C2CD3: variants seen among roughly 807,000 people sequenced by gnomAD.
C2CD3 encodes the protein C2 domain-containing protein 3.
In C2CD3, 148 loss-of-function variants were observed where a neutral mutation model predicts 234.0. The observed-to-expected ratio is 0.63, with a 90% CI of 0.55 to 0.72. The LOEUF is 0.72. Among genes scored for constraint, C2CD3 ranks in the 30% least tolerant of loss-of-function variants. The pLI is 0.00. For missense variants in C2CD3, 2,577 were observed against 2,811.5 expected (o/e 0.92, Z 1.89); for synonymous variants, 1,000 against 1,035.4 (o/e 0.97, Z 0.66).
At chr11:74,157,533 A>T (rs1284373222) in intron 3 of C2CD3, among the ~76,000 whole-genome samples, 1 of 152,176 alleles carries the variant, frequency 6.6e-6, no homozygotes, top group Non-Finnish European at 1.5e-5. Flanking sequence ...GTTTTTTTTC[A>T]GTTAGATGGA....
intron 22 of C2CD3, among the ~76,000 whole-genome samples, chr11:74,082,376 A>T (rs936201777): frequency 2.0e-5 from 3 of 151,964 alleles, no homozygotes; most frequent in African/African-American, 7.3e-5. Flanking sequence ...CGGCCTCCCA[A>T]AGTGCTGGGA....
At chr11:74,156,007 G>C (rs941373469) in intron 3 of C2CD3, among the ~76,000 whole-genome samples, 1 of 152,064 alleles carries the variant, frequency 6.6e-6, no homozygotes, top group African/African-American at 2.4e-5. Context: ...CAGGTGCAGT[G>C]GGTCATGCCT....
intron 11 of C2CD3, among the ~76,000 whole-genome samples, chr11:74,109,965 C>T (rs1473463734): frequency 0.016 from 2,373 of 150,240 alleles, 55 homozygotes; most frequent in African/African-American, 0.035. Context: ...CCTGTAGTCC[C>T]AGCTACTTGG....
At chr11:74,126,305 T>C (rs114363609) in intron 7 of C2CD3, among the ~76,000 whole-genome samples, 3,107 of 152,302 alleles carry the variant, frequency 0.02, 105 homozygotes, top group African/African-American at 0.071. Flanking sequence ...AAGCTTTTAA[T>C]ATGGTCTCTC....
intron 24 of C2CD3, among the ~76,000 whole-genome samples, chr11:74,058,439 A>G (rs1021155971): frequency 2.0e-5 from 3 of 152,122 alleles, no homozygotes; most frequent in African/African-American, 7.2e-5. Context: ...TATCATGTAG[A>G]TTTCTATCAT....
intron 7 of C2CD3, among the ~76,000 whole-genome samples, chr11:74,127,926 G>C (rs370723938): frequency 3.3e-5 from 5 of 151,626 alleles, no homozygotes; most frequent in African/African-American, 1.2e-4. Context: ...GTAGTGGCGC[G>C]ATCTCGGCTC....
intron 29 of C2CD3, among the ~76,000 whole-genome samples, chr11:74,038,174 C>G (rs947740783): frequency 2.0e-5 from 3 of 152,330 alleles, no homozygotes; most frequent in Admixed American, 2.0e-4. Flanking sequence ...CATCACATCA[C>G]TCATTTATTT....
Position 74,092,420 on chromosome 11 carries a change from T to C in C2CD3, c.3513A>G (p.Ser1171=). The C allele has an allele frequency of 6.2e-7, 1 of 1,613,160 alleles. No individual in the cohort carries two copies. The highest frequency in any genetic ancestry group is 1.1e-5 in the South Asian group (1 of 91,002). The stretch of plus-strand genomic sequence containing the variant: ...GACAAACTTGTTTTCAATTACCTGA[T>C]GACTGGTTCCTCAATTCTTTCCTGT... ...IENRKELRNQ[S]SGLLDVGLRY... is the part of the protein sequence containing the mutation. The change falls in exon 19 of 33, where the codon TCA becomes TCG. Residue 1171 remains serine, a synonymous_variant. Transcript: ENST00000334126.
intron 1 of C2CD3, 126 bp downstream of exon 1, chr11:74,170,612 G>T: frequency 1.8e-6 from 2 of 1,116,168 alleles, no homozygotes; most frequent in Non-Finnish European, 2.6e-6. Context: ...TAACCTTCTG[G>T]TTCCCTGGCT....
In C2CD3 at chr11:74,170,897, G is replaced by GCAA; in HGVS notation, c.-106_-105insTTG. On this transcript the variant is annotated 5_prime_UTR_variant, in exon 1 of 33. Coordinates refer to ENST00000334126, the MANE Select transcript of C2CD3 (RefSeq NM_001286577.2). ...GCGCCTGCGTTCCCCGGCAACCGGC[G>GCAA]CCGCTGGGCAGCCTGGGAGGCAGGA... 1 of 1,583,856 alleles carries GCAA rather than the reference G, an allele frequency of 6.3e-7. No individual in the cohort carries two copies. The highest frequency in any genetic ancestry group is 8.6e-7 in the Non-Finnish European group (1 of 1,166,258).
intron 8 of C2CD3, among the ~76,000 whole-genome samples, chr11:74,121,660 T>TAA (rs1172712767): frequency 1.3e-5 from 2 of 148,638 alleles, no homozygotes; most frequent in African/African-American, 4.9e-5. Context: ...TTAAAAACAG[T>TAA]ATTTAGTGTT....
At chr11:74,054,130 G>A (rs1953836122) in intron 26 of C2CD3, among the ~76,000 whole-genome samples, 1 of 151,964 alleles carries the variant, frequency 6.6e-6, no homozygotes, top group Non-Finnish European at 1.5e-5. Flanking sequence ...AAATTAGCCG[G>A]GCGTGGTGGC....
intron 30 of C2CD3, among the ~76,000 whole-genome samples, chr11:74,035,318 T>C (rs1952686802): frequency 6.6e-6 from 1 of 152,248 alleles, no homozygotes; most frequent in Admixed American, 6.5e-5. Flanking sequence ...GGCCTGAACA[T>C]GCTTTCTGTC....
At chr11:74,157,596 ATAT>A (rs1230385725) in intron 3 of C2CD3, among the ~76,000 whole-genome samples, 2 of 152,158 alleles carry the variant, frequency 1.3e-5, no homozygotes. Flanking sequence ...TGATTTTATA[ATAT>A]TAATAAATTC....
intron 3 of C2CD3, among the ~76,000 whole-genome samples, chr11:74,154,487 A>G (rs1022650412): frequency 3.3e-5 from 5 of 152,158 alleles, no homozygotes; most frequent in Admixed American, 2.0e-4. Context: ...ATGAATGAAT[A>G]AATACTTATA....
intron 28 of C2CD3, among the ~76,000 whole-genome samples, chr11:74,043,753 T>A (rs1421507788): frequency 6.6e-6 from 1 of 152,076 alleles, no homozygotes; most frequent in African/African-American, 2.4e-5. Context: ...TATCTTTTTT[T>A]GAAGAAATGT....
At chr11:74,137,341 C>G (rs1957896886) in intron 5 of C2CD3, among the ~76,000 whole-genome samples, 1 of 151,850 alleles carries the variant, frequency 6.6e-6, no homozygotes. Context: ...GCCCTGATAC[C>G]TAGAAGAGCG....
chr11:74,161,867 G>C (rs1262561830), intron 2 of C2CD3, among the ~76,000 whole-genome samples: 1 of 147,312 alleles, frequency 6.8e-6, no homozygotes, highest in Non-Finnish European at 1.5e-5. Context: ...CCAGGCTGGA[G>C]TGCACTGGCA....
At chr11:74,041,041 T>C (rs1219539142) in intron 29 of C2CD3, among the ~76,000 whole-genome samples, 1 of 151,098 alleles carries the variant, frequency 6.6e-6, no homozygotes, top group Non-Finnish European at 1.5e-5. Flanking sequence ...TTATCTGAAA[T>C]CTGTATGGGT....
Sources: gnomAD v4.1 joint callset for allele counts (sites outside exome capture counted in the v4.1 genomes callset) on GRCh38, gnomAD v4.1.1 for gene constraint, MANE v1.5 for transcripts, NCBI Gene and HGNC (gene_info 2026-07-23, HGNC 2026-07-21) for gene names.